The following SNX13 variants were observed in gnomAD, a reference collection of about 807,000 sequenced individuals.
The protein encoded by SNX13 is sorting nexin 13.
SNX13 carries 45 observed loss-of-function variants against 133.6 expected under a neutral mutation model. The observed-to-expected ratio is 0.34, with a 90% confidence interval of 0.27 to 0.43. The LOEUF is 0.43. Among genes scored for constraint, SNX13 ranks in the 20% least tolerant of loss-of-function variants. The pLI is 1.00. For missense variants in SNX13, 1,032 were observed against 1,145.1 expected, an observed-to-expected ratio of 0.90 and a Z score of 1.43; for synonymous variants, 414 against 373.9, an observed-to-expected ratio of 1.11 and a Z score of -1.24.
rs147065820 is a variant in SNX13 at position 17,875,726 on chromosome 7, A to G, written c.505T>C (p.Leu169=). 1,231 of 1,612,830 alleles carry G rather than the reference A, an allele frequency of 7.6e-4. 9 individuals carry two copies. The African/African-American group carries it at 0.015, about 20-fold the overall frequency. The part of the protein sequence containing the change: ...TRIVDDFGTH[L]RVFRKAQQKI... ...TGTTGAGCCTTTCTGAATACTCGTA[A>G]GTGTGTGCCAAAGTCATCTACAATG... Residue 169 remains leucine, a synonymous_variant, in exon 6 of 26, where the codon TTA becomes CTA. Coordinates refer to ENST00000428135, the MANE Select transcript of SNX13 (RefSeq NM_015132.5).
chr7:17,893,273 C>A, intron 3 of SNX13, 59 bp downstream of exon 3: 2 of 1,144,718 alleles, frequency 1.7e-6, no homozygotes, highest in Non-Finnish European at 2.6e-6. Context: ...CAGATGATTA[C>A]TCTATTATCA....
rs527782730 is a variant in SNX13 at position 17,885,827 on chromosome 7, C to CAAAAAA, written c.440+4535_440+4536insTTTTTT. Among the ~76,000 whole-genome samples, 17 of 152,044 alleles carry CAAAAAA rather than the reference C, an allele frequency of 1.1e-4. No individual in the cohort carries two copies. The South Asian group carries it at 1.7e-3, about 15-fold the overall frequency. ...TAGGTGACAGAACAAGAGTCTGCCT[C>CAAAAAA]AAAACAAAAACAAAAAACATTAACT... On this transcript the variant is annotated intron_variant, in intron 5 of 25. Coordinates refer to ENST00000428135, the MANE Select transcript of SNX13 (RefSeq NM_015132.5).
chr7:17,848,390 G>A (rs543731822), intron 11 of SNX13, among the ~76,000 whole-genome samples: 46 of 152,228 alleles, frequency 3.0e-4, no homozygotes, highest in East Asian at 1.7e-3. Context: ...CAGAAGCCAC[G>A]AGTGTGCACA....
intron 5 of SNX13, among the ~76,000 whole-genome samples, chr7:17,876,969 T>G (rs1473436468): frequency 7.2e-6 from 1 of 139,430 alleles, no homozygotes; most frequent in Non-Finnish European, 1.5e-5. Flanking sequence ...AAGTATGCCA[T>G]AATTCATTAT....
At chr7:17,911,466 C>G (rs1303982774) in intron 1 of SNX13, among the ~76,000 whole-genome samples, 1 of 151,892 alleles carries the variant, frequency 6.6e-6, no homozygotes, top group Non-Finnish European at 1.5e-5. Flanking sequence ...TGGTGAAACC[C>G]CGCCTCTACC....
chr7:17,846,498 T>A (rs1422113960), intron 11 of SNX13, among the ~76,000 whole-genome samples: 1 of 152,186 alleles, frequency 6.6e-6, no homozygotes, highest in Non-Finnish European at 1.5e-5. Context: ...GATGTTTCCA[T>A]GAATTATTTA....
At chr7:17,797,023 G>C in intron 24 of SNX13, 84 bp from the exon 25 acceptor site, 2 of 1,056,630 alleles carry the variant, frequency 1.9e-6, no homozygotes, top group East Asian at 2.4e-5. Flanking sequence ...AATTTCTACA[G>C]AAAATACAAA....
chr7:17,922,809 C>T (rs1583797777), intron 1 of SNX13, among the ~76,000 whole-genome samples: 1 of 152,168 alleles, frequency 6.6e-6, no homozygotes, highest in Non-Finnish European at 1.5e-5. Context: ...TAATTCACAA[C>T]ACTACCTTTA....
intron 15 of SNX13, chr7:17,830,894 C>G: frequency 1.0e-6 from 1 of 984,326 alleles, no homozygotes. Flanking sequence ...CACTACTATT[C>G]CTACAAGGAG....
At chr7:17,904,394 C>T (rs1441603686) in intron 1 of SNX13, among the ~76,000 whole-genome samples, 1 of 151,668 alleles carries the variant, frequency 6.6e-6, no homozygotes, top group East Asian at 1.9e-4. Flanking sequence ...TAATTCAGTG[C>T]TTAATTTAGG....
At chr7:17,855,799 C>G (rs1791807724) in intron 9 of SNX13, among the ~76,000 whole-genome samples, 1 of 152,148 alleles carries the variant, frequency 6.6e-6, no homozygotes, top group Non-Finnish European at 1.5e-5. Context: ...CATTGTGCAG[C>G]CCAAGAATCA....
At chr7:17,932,699 A>T (rs1270097278) in intron 1 of SNX13, among the ~76,000 whole-genome samples, 1 of 152,212 alleles carries the variant, frequency 6.6e-6, no homozygotes, top group Non-Finnish European at 1.5e-5. Flanking sequence ...AGGATCAAGT[A>T]CTACTTTCAC....
chr7:17,888,659 C>T (rs1796277014), intron 5 of SNX13: 1 of 469,472 alleles, frequency 2.1e-6, no homozygotes. Context: ...AACACTGTCA[C>T]AGGTATTTCA....
chr7:17,794,390 G>T, intron 25 of SNX13, 98 bp from the exon 26 acceptor site: 1 of 1,404,378 alleles, frequency 7.1e-7, no homozygotes. Flanking sequence ...CAGAGTAACT[G>T]ATGAACAGTA....
intron 12 of SNX13, 131 bp from the exon 13 acceptor site, chr7:17,840,131 C>A: frequency 1.5e-6 from 1 of 677,696 alleles, no homozygotes; most frequent in South Asian, 3.6e-5. Context: ...AATGTTTTAG[C>A]AAATCCCTGA....
chr7:17,836,768 T>C (rs745532098), intron 13 of SNX13, among the ~76,000 whole-genome samples: 3 of 152,028 alleles, frequency 2.0e-5, no homozygotes, highest in Non-Finnish European at 4.4e-5. Context: ...AAAACTCTAT[T>C]GGATACTTAA....
intron 1 of SNX13, among the ~76,000 whole-genome samples, chr7:17,906,677 A>T (rs1008424469): frequency 6.6e-6 from 1 of 152,172 alleles, no homozygotes; most frequent in African/African-American, 2.4e-5. Context: ...ATAATTTTTA[A>T]CTGTAAGATC....
intron 5 of SNX13, chr7:17,880,084 A>G (rs1795171392): frequency 6.6e-6 from 1 of 152,214 alleles, no homozygotes; most frequent in African/African-American, 2.4e-5. Context: ...CTGTGTAGGA[A>G]TAAGACTTTT....
intron 9 of SNX13, among the ~76,000 whole-genome samples, chr7:17,864,973 A>T (rs1455737358): frequency 6.6e-6 from 1 of 152,146 alleles, no homozygotes; most frequent in Non-Finnish European, 1.5e-5. Context: ...GGAAAAAAAA[A>T]TGTCTTCCAA....
Sources: gnomAD v4.1 joint callset for allele counts (sites outside exome capture counted in the v4.1 genomes callset) on GRCh38, gnomAD v4.1.1 for gene constraint, MANE v1.5 for transcripts, NCBI Gene and HGNC (gene_info 2026-07-23, HGNC 2026-07-21) for gene names.